GPSM1: variants seen among roughly 807,000 people sequenced by gnomAD.
GPSM1 encodes the protein G protein signaling modulator 1, also known as G protein-signaling modulator 1.
Under a neutral mutation model 70.5 loss-of-function variants are expected in GPSM1, and 48 were observed. That is an observed-to-expected ratio of 0.68 (90% CI 0.54 to 0.87). The LOEUF (loss-of-function observed/expected upper bound fraction) is 0.87. Among genes scored for constraint, GPSM1 ranks in the 40% least tolerant of loss-of-function variants. GPSM1 has a pLI of 0.00. For synonymous variants in GPSM1, 416 were observed against 430.1 expected (o/e 0.97, Z 0.41); for missense variants, 981 against 972.6 (o/e 1.01, Z -0.11).
chr9:136,330,683 G>A (rs28380074), intron 1 of GPSM1, among the ~76,000 whole-genome samples: 44,661 of 152,162 alleles, frequency 0.29, 7,604 homozygotes, highest in Middle Eastern at 0.48. Flanking sequence ...GGGCCAGCAT[G>A]TAGGTGACGG....
chr9:136,356,472 C>G lies in GPSM1; in HGVS notation c.1743C>G (p.Ser581Arg). Residue 581 changes from serine to arginine, a missense_variant, in exon 13 of 14, where the codon AGC becomes AGG. By Grantham distance (110) the Ser-to-Arg change is moderately radical (BLOSUM62 -1). Transcript: ENST00000440944. ...GSLPGLRITH[S>R]NAGHLRGHGE... ...TGCCGGGGCTGCGAATCACCCACAG[C>G]AATGCAGGGCACCTCCGAGGCCACG... 6.2e-7 allele frequency: 1 copy of G among 1,611,910 alleles called. No homozygotes were observed. The highest frequency in any genetic ancestry group is 8.5e-7 in the Non-Finnish European group (1 of 1,179,396).
At chr9:136,344,159 C>T (rs1294768132) in intron 9 of GPSM1, among the ~76,000 whole-genome samples, 3 of 127,642 alleles carry the variant, frequency 2.4e-5, no homozygotes, top group African/African-American at 3.0e-5. Flanking sequence ...GAGGTGCGGA[C>T]AGGATCGGGG....
chr9:136,351,012 T>C (rs1832647179), intron 11 of GPSM1, among the ~76,000 whole-genome samples: 1 of 151,994 alleles, frequency 6.6e-6, no homozygotes, highest in Non-Finnish European at 1.5e-5. Context: ...ATGGGCCGAG[T>C]CCGGGTTCGG....
chr9:136,343,242 C>A lies in GPSM1; in HGVS notation c.1207+2249C>A, dbSNP rs1554770645. On this transcript the variant is annotated intron_variant, in intron 9 of 13. Coordinates refer to ENST00000440944, the MANE Select transcript of GPSM1 (RefSeq NM_001145638.3). This position sits in a 1 kb window ranked among gnomAD's most constrained non-coding sequence, Gnocchi z 6.0. ...AGGGCACAGGCCCGGGCCTCCCACA[C>A]TTGCTCCTGGGCTGCCCACCCCCCA... is the stretch of plus-strand genomic sequence containing the variant. 6.6e-6 allele frequency among the ~76,000 whole-genome samples: 1 copy of A among 152,146 alleles called. No individual in the cohort carries two copies. The highest frequency in any genetic ancestry group is 1.5e-5 in the Non-Finnish European group (1 of 68,010).
intron 9 of GPSM1, among the ~76,000 whole-genome samples, chr9:136,345,473 T>G (rs1040109456): frequency 2.6e-5 from 4 of 152,212 alleles, no homozygotes; most frequent in Admixed American, 2.6e-4. Context: ...CGTCCGTGCC[T>G]GGCCATGAGG....
intron 10 of GPSM1, 87 bp downstream of exon 10, chr9:136,348,854 A>C: frequency 1.0e-6 from 1 of 978,602 alleles, no homozygotes; most frequent in South Asian, 1.4e-5. Context: ...ACCGCCACCC[A>C]CCTCAGCCCC....
At chr9:136,356,237 GTGGGC>G in intron 12 of GPSM1, 100 bp from the exon 13 acceptor site, 1 of 889,356 alleles carries the variant, frequency 1.1e-6, no homozygotes, top group Non-Finnish European at 1.7e-6. Context: ...CAGCAGCACA[GTGGGC>G]TGGGCTGGGC....
chr9:136,355,969 CCT>C (rs1764749213), intron 12 of GPSM1, 123 bp downstream of exon 12: 3 of 802,236 alleles, frequency 3.7e-6, no homozygotes, highest in East Asian at 2.7e-5. Context: ...TGCAGAGCAC[CCT>C]GTCACTGAGG....
chr9:136,334,691 G>A, intron 2 of GPSM1, 23 bp downstream of exon 2: 1 of 1,587,098 alleles, frequency 6.3e-7, no homozygotes, highest in Admixed American at 1.7e-5. Flanking sequence ...GGTCCTGCTG[G>A]CGGGTGAGTG....
chr9:136,334,513 G>A lies in GPSM1; in HGVS notation c.135G>A (p.Lys45=). 4 of 1,613,360 alleles carry A rather than the reference G, an allele frequency of 2.5e-6. No homozygotes were observed. In the Admixed American group the frequency reaches 5.0e-5, roughly 20 times the overall value. ...GERLCKAGDF[K]TGVAFFEAAV... ...GTCTGTGCAAGGCGGGCGACTTCAA[G>A]ACAGGCGTGGCCTTCTTTGAGGCTG... The change falls in exon 2 of 14, where the codon AAG becomes AAA. Residue 45 remains lysine, a synonymous_variant. Coordinates refer to ENST00000440944, the MANE Select transcript of GPSM1 (RefSeq NM_001145638.3).
Position 136,327,770 on chromosome 9 carries a change from C to CGGGCCGGGGCCG in GPSM1, c.68+24_68+35dup, listed in dbSNP as rs781974636. On this transcript the variant is annotated splice_region_variant and intron_variant, in intron 1 of 13. Coordinates refer to ENST00000440944, the MANE Select transcript of GPSM1 (RefSeq NM_001145638.3). Reference sequence around the variant, plus strand: ...CCAGGCGCCTCTACTCCAGGTAGGACGGGCCGGGGCCGGGGCCGGGGCCGG... The same window carrying CGGGCCGGGGCCG: ...CCAGGCGCCTCTACTCCAGGTAGGACGGGCCGGGGCCGGGGCCGGGGCCGGGGCCGGGGCCGG... The CGGGCCGGGGCCG allele has an allele frequency of 5.5e-6, 6 of 1,095,766 alleles. No individual in the cohort carries two copies. The highest frequency in any genetic ancestry group is 1.6e-5 in the African/African-American group (1 of 61,256). 67.9% of individuals were successfully genotyped at this position (1,095,766 alleles called of 1,614,324 possible).
chr9:136,352,308 ACACCGATGCTGCGCCG>A, intron 11 of GPSM1, among the ~76,000 whole-genome samples: 1 of 147,702 alleles, frequency 6.8e-6, no homozygotes, highest in Non-Finnish European at 1.5e-5. Flanking sequence ...GCTGTTGGTG[ACACCGATGCTGCGCCG>A]TTGCTGTTGG....
chr9:136,338,063 C>A (rs1832292445), intron 6 of GPSM1, 102 bp downstream of exon 6: 3 of 744,622 alleles, frequency 4.0e-6, no homozygotes, highest in Non-Finnish European at 2.2e-6. Context: ...ACTGCCTCCC[C>A]TCCCCTCCCC....
chr9:136,345,065 C>T (rs1832488355), intron 9 of GPSM1, among the ~76,000 whole-genome samples: 1 of 152,160 alleles, frequency 6.6e-6, no homozygotes, highest in Non-Finnish European at 1.5e-5. Context: ...GATTTCAGAC[C>T]AGAGGTGGGC....
In GPSM1 at chr9:136,358,801, T is replaced by A. The variant is rs1044952479; in HGVS notation, c.*581T>A. 1 of 157,416 alleles carries A rather than the reference T, an allele frequency of 6.4e-6. No individual in the cohort carries two copies. Among genetic ancestry groups the A allele is most frequent in the Admixed American group, 6.5e-5 (1 of 15,326 alleles). The allele number at this position is 157,416 out of a possible 1,614,324, so 9.8% of individuals were successfully genotyped here. On this transcript the variant is annotated 3_prime_UTR_variant, in exon 14 of 14. Transcript: ENST00000440944. The stretch of plus-strand genomic sequence containing the variant: ...CCACGCATGGCAGACCAGGCTGCAG[T>A]GGCAGCCCTGAGGTGCCCCCCGCCG...
At chr9:136,331,080 C>T (rs894539214) in intron 1 of GPSM1, among the ~76,000 whole-genome samples, 1 of 152,286 alleles carries the variant, frequency 6.6e-6, no homozygotes. Context: ...CCCAGTCCCC[C>T]GCCTCTGTCA....
intron 13 of GPSM1, 86 bp downstream of exon 13, chr9:136,356,636 T>C (rs1166423086): frequency 5.2e-6 from 5 of 970,852 alleles, no homozygotes; most frequent in Non-Finnish European, 7.7e-6. Flanking sequence ...AGGGGTGAGG[T>C]GGGCGCTGGT....
At position 136,356,342 on chromosome 9, in the gene GPSM1, C is replaced by A; in HGVS notation, c.1613C>A (p.Ala538Asp). ...GGTCTCACCCTCTGGCCCCCCGCAG[C>A]CCAGCCCTCGATGACGGCCTCGCCC... The part of the protein sequence containing the change: ...TAAPTLEDRI[A>D]QPSMTASPQT... Residue 538 changes from alanine (A) to aspartate (D), a missense_variant and splice_region_variant, in exon 13 of 14, where the codon GCC becomes GAC. Ala to Asp is a moderately radical substitution (Grantham distance 126). Coordinates refer to ENST00000440944, the MANE Select transcript of GPSM1 (RefSeq NM_001145638.3). 1 of 1,578,594 alleles carries A rather than the reference C, an allele frequency of 6.3e-7. No homozygotes were observed. The highest frequency in any genetic ancestry group is 8.6e-7 in the Non-Finnish European group (1 of 1,160,862).
intron 11 of GPSM1, chr9:136,354,694 T>G: frequency 2.4e-6 from 1 of 413,644 alleles, no homozygotes; most frequent in Non-Finnish European, 3.3e-6. Flanking sequence ...CTGGGCCCCT[T>G]GGGGGGCCAC....
Sources: gnomAD v4.1 joint callset for allele counts (sites outside exome capture counted in the v4.1 genomes callset) on GRCh38, gnomAD v4.1.1 for gene constraint, Gnocchi (gnomAD v3.1) non-coding constraint, MANE v1.5 for transcripts, NCBI Gene and HGNC (gene_info 2026-07-23, HGNC 2026-07-21) for gene names.